C1S: variants seen among roughly 807,000 people sequenced by gnomAD.
The protein encoded by C1S is complement C1s subcomponent.
C1S carries 31 observed loss-of-function variants against 54.0 expected under a neutral mutation model. The observed-to-expected ratio is 0.57, with a 90% CI of 0.43 to 0.78. The LOEUF (loss-of-function observed/expected upper bound fraction) is 0.78. C1S is among the 30% of genes least tolerant of loss of function. The probability of loss-of-function intolerance (pLI) is 0.00; values close to 1 mark genes in which losing one functional copy is unlikely to be tolerated. For synonymous variants in C1S, 292 were observed against 303.6 expected (o/e 0.96, Z 0.40); for missense variants, 727 against 851.8 (o/e 0.85, Z 1.82).
intron 9 of C1S, 147 bp from the exon 10 acceptor site, chr12:7,067,496 G>A (rs782800148): frequency 1.0e-5 from 9 of 880,922 alleles, no homozygotes; most frequent in Non-Finnish European, 1.7e-5. Flanking sequence ...GGGGAGGATG[G>A]CCACAGAGAG....
chr12:7,066,921 C>T lies in C1S; in HGVS notation c.988-118C>T, dbSNP rs782671818. 14 of 799,558 alleles carry T rather than the reference C, an allele frequency of 1.8e-5. No individual in the cohort carries two copies. In the South Asian group the frequency reaches 1.8e-4, roughly 11 times the overall value. The allele number at this position is 799,558 out of a possible 1,614,324, so 49.5% of individuals were successfully genotyped here. A position where few individuals can be genotyped will look rare whatever the true frequency, so the allele number is the denominator to read the frequency against. On this transcript the variant is annotated intron_variant, in intron 8 of 11. Coordinates refer to ENST00000360817, the MANE Select transcript of C1S (RefSeq NM_001734.5). ...GTGCTTTAGGTCTGCTAAGATGTTC[C>T]CAAGCTTCTTGTGGTGAGGACTCCT...
chr12:7,070,877 A>T lies in C1S; in HGVS notation c.*226A>T, dbSNP rs942303511. On this transcript the variant is annotated 3_prime_UTR_variant, in exon 12 of 12. Coordinates refer to ENST00000360817, the MANE Select transcript of C1S (RefSeq NM_001734.5). This position sits in a 1 kb window ranked among gnomAD's most constrained non-coding sequence, Gnocchi z 4.9. ...TTGGGGTCCTTTCCCCGGAGTACCT[A>T]TTGTAGATAACACTATGGGTGGGGC... 5 of 572,868 alleles carry T rather than the reference A, an allele frequency of 8.7e-6. No homozygotes were observed. Among genetic ancestry groups the T allele is most frequent in the African/African-American group, 5.6e-5 (3 of 53,438 alleles). The allele number at this position is 572,868 out of a possible 1,614,324, so 35.5% of individuals were successfully genotyped here.
At chr12:7,067,866 A>G in intron 10 of C1S, 95 bp downstream of exon 10, 2 of 1,285,534 alleles carry the variant, frequency 1.6e-6, no homozygotes, top group Admixed American at 3.5e-5. Context: ...TTGGAGACAA[A>G]TGAAGGCGAT....
At chr12:7,063,132 C>G in intron 4 of C1S, 65 bp downstream of exon 4, 2 of 1,387,458 alleles carry the variant, frequency 1.4e-6, no homozygotes, top group Non-Finnish European at 2.0e-6. Context: ...GAGAAATCCA[C>G]TGAGCAACAC....
At chr12:7,069,421 TG>T (rs782555632) in intron 11 of C1S, among the ~76,000 whole-genome samples, 1 of 152,226 alleles carries the variant, frequency 6.6e-6, no homozygotes, top group Non-Finnish European at 1.5e-5. Context: ...AAGTTTGATC[TG>T]GGCATCTGAA....
At chr12:7,069,243 C>G (rs1213768504) in intron 11 of C1S, among the ~76,000 whole-genome samples, 1 of 152,150 alleles carries the variant, frequency 6.6e-6, no homozygotes, top group South Asian at 2.1e-4. Flanking sequence ...TTTAAGTAAG[C>G]AGCTTCACTT....
At chr12:7,067,383 C>A in intron 9 of C1S, 1 of 634,452 alleles carries the variant, frequency 1.6e-6, no homozygotes, top group Non-Finnish European at 2.8e-6. Flanking sequence ...GTGGCTTCCA[C>A]TGGGCCTTCA....
intron 2 of C1S, 41 bp from the exon 3 acceptor site, chr12:7,062,434 G>C: frequency 6.7e-7 from 1 of 1,482,858 alleles, no homozygotes; most frequent in Non-Finnish European, 9.4e-7. Context: ...CTAGGCTACT[G>C]GTGCCTGGTC....
chr12:7,064,429 G>T lies in C1S; in HGVS notation c.517+37G>T, dbSNP rs782690850. ...GTTAAGAGGGTTGCATGTTCCCTGG[G>T]ATTTGGAATGGCTGAGGCCTCAGAA... is the stretch of plus-strand genomic sequence containing the variant. On this transcript the variant is annotated intron_variant, in intron 5 of 11. Transcript: ENST00000360817. 5.0e-6 allele frequency: 8 copies of T among 1,613,498 alleles called. No homozygotes were observed. In the Admixed American group the frequency reaches 1.2e-4, roughly 24 times the overall value.
In C1S at chr12:7,070,553, C is replaced by T. The variant is rs1555163113; in HGVS notation, c.1969C>T (p.Pro657Ser). The T allele has an allele frequency of 6.2e-7, 1 of 1,613,376 alleles. No individual in the cohort carries two copies. Among genetic ancestry groups the T allele is most frequent in the South Asian group, 1.1e-5 (1 of 91,016 alleles). ...FYAAGLVSWG[P>S]QCGTYGLYTR... ...CGCAGCTGGCCTGGTGTCCTGGGGG[C>T]CCCAGTGTGGGACCTATGGGCTCTA... The change falls in exon 12 of 12, where the codon CCC (proline) becomes TCC (serine). Residue 657 changes from proline to serine, a missense_variant. Coordinates refer to ENST00000360817, the MANE Select transcript of C1S (RefSeq NM_001734.5). This position sits in a 1 kb window ranked among gnomAD's most constrained non-coding sequence, Gnocchi z 4.9.
intron 10 of C1S, among the ~76,000 whole-genome samples, chr12:7,068,186 G>A (rs1274914708): frequency 6.6e-6 from 1 of 152,218 alleles, no homozygotes; most frequent in Non-Finnish European, 1.5e-5. Flanking sequence ...TACGTTCTCT[G>A]CATTGCTCTG....
At chr12:7,061,531 G>A (rs958293027) in intron 1 of C1S, 1 of 363,802 alleles carries the variant, frequency 2.7e-6, no homozygotes, top group Admixed American at 3.7e-5. Context: ...TGATACCGCG[G>A]GGGTGGGGCT....
chr12:7,067,798 G>C, intron 10 of C1S, 27 bp downstream of exon 10: 1 of 1,607,544 alleles, frequency 6.2e-7, no homozygotes, highest in Non-Finnish European at 8.5e-7. Context: ...GGAGAAGAGA[G>C]AGAGAGAGTG....
chr12:7,062,487 G>T lies in C1S; in HGVS notation c.18G>T (p.Leu6=). ...TCTGTTTTTTCAGGTGCATTGTCCTGTTTTCACTTTTGGCATGGGTTTATG... is the reference window on the plus strand; with the variant it reads ...TCTGTTTTTTCAGGTGCATTGTCCTTTTTTCACTTTTGGCATGGGTTTATG... MWCIV[L]FSLLAWVYAE... is the part of the protein sequence containing the mutation. The change falls in exon 3 of 12, where the codon CTG becomes CTT. Residue 6 remains leucine (L), a synonymous_variant. Coordinates refer to ENST00000360817, the MANE Select transcript of C1S (RefSeq NM_001734.5). 1 of 1,612,984 alleles carries T rather than the reference G, an allele frequency of 6.2e-7. No homozygotes were observed. Among genetic ancestry groups the T allele is most frequent in the Non-Finnish European group, 8.5e-7 (1 of 1,179,932 alleles).
At chr12:7,062,270 CAAAAAA>C in intron 2 of C1S, 199 bp from the exon 3 acceptor site, 3 of 443,750 alleles carry the variant, frequency 6.8e-6, no homozygotes, top group Non-Finnish European at 1.2e-5. Flanking sequence ...GAACCTGTCT[CAAAAAA>C]AAAAAAAAAA....
intron 4 of C1S, 151 bp from the exon 5 acceptor site, chr12:7,064,116 T>C (rs782306826): frequency 1.7e-5 from 14 of 828,836 alleles, no homozygotes; most frequent in East Asian, 5.0e-5. Context: ...GAGAGTAATA[T>C]GGAATAATAG....
intron 11 of C1S, among the ~76,000 whole-genome samples, 169 bp from the exon 12 acceptor site, chr12:7,069,686 G>A (rs1937786438): frequency 1.3e-5 from 2 of 152,238 alleles, no homozygotes; most frequent in Admixed American, 6.5e-5. Context: ...GGATGTTTAG[G>A]TAAGGCCAGA....
chr12:7,063,402 A>G (rs1472073538), intron 4 of C1S: 3 of 464,892 alleles, frequency 6.5e-6, no homozygotes, highest in South Asian at 1.6e-5. Context: ...TTTGCTCCAT[A>G]TAAAGATGAA....
At chr12:7,068,556 A>C (rs782479756) in intron 11 of C1S, 26 bp downstream of exon 11, 62 of 1,540,682 alleles carry the variant, frequency 4.0e-5, no homozygotes, top group Non-Finnish European at 5.4e-5. Context: ...GCTTGGGGAG[A>C]GATGATAGCC....
Sources: gnomAD v4.1 joint callset for allele counts (sites outside exome capture counted in the v4.1 genomes callset) on GRCh38, gnomAD v4.1.1 for gene constraint, Gnocchi (gnomAD v3.1) non-coding constraint, MANE v1.5 for transcripts, NCBI Gene and HGNC (gene_info 2026-07-23, HGNC 2026-07-21) for gene names.